Variants in SLC12A6 observed in about 807,000 individuals in gnomAD.
The protein encoded by SLC12A6 is K-Cl cotransporter 3.
In SLC12A6, 66 loss-of-function variants were observed where a neutral mutation model predicts 135.3. The observed-to-expected ratio is 0.49, with a 90% CI of 0.40 to 0.60. The LOEUF (loss-of-function observed/expected upper bound fraction) is 0.60, where lower values mean the gene tolerates loss of function less well. Among genes scored for constraint, SLC12A6 ranks in the 20% least tolerant of loss-of-function variants. The pLI is 0.00. For synonymous variants in SLC12A6, 513 were observed against 508.8 expected, an observed-to-expected ratio of 1.01 and a Z score of -0.11; for missense variants, 1,058 against 1,452.3, an observed-to-expected ratio of 0.73 and a Z score of 4.41.
chr15:34,309,775 G>T (rs1211138153), intron 2 of SLC12A6, among the ~76,000 whole-genome samples: 1 of 152,146 alleles, frequency 6.6e-6, no homozygotes, highest in Non-Finnish European at 1.5e-5. Context: ...AGGAAAACAT[G>T]CCTCACAGAG....
intron 9 of SLC12A6, among the ~76,000 whole-genome samples, chr15:34,253,047 T>G (rs1892505579): frequency 6.6e-6 from 1 of 152,208 alleles, no homozygotes; most frequent in Non-Finnish European, 1.5e-5. Context: ...AACATAAATA[T>G]TAACCTGCTG....
chr15:34,323,762 G>A (rs1236205409), intron 2 of SLC12A6, among the ~76,000 whole-genome samples: 1 of 152,036 alleles, frequency 6.6e-6, no homozygotes, highest in African/African-American at 2.4e-5. Flanking sequence ...ACTAGCCTGG[G>A]CAACATGGCG....
intron 2 of SLC12A6, among the ~76,000 whole-genome samples, chr15:34,310,005 C>CTTTTTTTTTTTTTTTTTTTT (rs879478639): frequency 6.9e-6 from 1 of 144,136 alleles, no homozygotes; most frequent in Non-Finnish European, 1.5e-5. Context: ...AAGAGATAAT[C>CTTTTTTTTTTTTTTTTTTTT]TTTTTTTTTT....
At chr15:34,336,330 G>A (rs1890191126) in intron 2 of SLC12A6, 80 bp downstream of exon 2, 1 of 1,107,370 alleles carries the variant, frequency 9.0e-7, no homozygotes, top group East Asian at 2.4e-5. Context: ...ATATGATTAT[G>A]ATCTTCCAGA....
intron 22 of SLC12A6, 131 bp downstream of exon 22, chr15:34,237,288 T>G (rs1015029339): frequency 2.3e-4 from 124 of 533,006 alleles, no homozygotes; most frequent in East Asian, 2.2e-3. Context: ...TTTTTTTTTG[T>G]TTTTTTTTTG....
chr15:34,320,296 A>T (rs74738636), intron 2 of SLC12A6, among the ~76,000 whole-genome samples: 7,227 of 152,342 alleles, frequency 0.047, 185 homozygotes, highest in Non-Finnish European at 0.062. Context: ...TATATATACA[A>T]CAGAATACGA....
chr15:34,336,648 A>C lies in SLC12A6; in HGVS notation c.33T>G (p.Ala11=). The part of the protein sequence containing the change: MHPPETTTKM[A]SVRFMVTPTK... ...TCGGTGTCACCATGAACCGAACTGA[A>C]GCCATCTTGGTGGTGGTTTCTGGAG... is the stretch of plus-strand genomic sequence containing the variant. The change falls in exon 2 of 26, where the codon GCT becomes GCG. Residue 11 remains alanine (A), a synonymous_variant. Coordinates refer to ENST00000354181, the MANE Select transcript of SLC12A6 (RefSeq NM_001365088.1). The C allele has an allele frequency of 6.2e-7, 1 of 1,613,974 alleles. No individual in the cohort carries two copies. The highest frequency in any genetic ancestry group is 8.5e-7 in the Non-Finnish European group (1 of 1,179,924).
chr15:34,297,664 G>T (rs1008592100), intron 2 of SLC12A6, among the ~76,000 whole-genome samples: 2 of 152,138 alleles, frequency 1.3e-5, no homozygotes, highest in Admixed American at 6.5e-5. Flanking sequence ...TGAACTTGAA[G>T]GAGGATTTTT....
intron 2 of SLC12A6, among the ~76,000 whole-genome samples, chr15:34,308,154 A>G (rs1015641478): frequency 6.6e-6 from 1 of 152,204 alleles, no homozygotes; most frequent in Non-Finnish European, 1.5e-5. Flanking sequence ...CAATTATTTC[A>G]CTTGCTCCAT....
chr15:34,236,013 AC>A lies in SLC12A6; in HGVS notation c.3227+1del. On this transcript the variant is annotated splice_donor_variant, in intron 24 of 25. Transcript: ENST00000354181. LOFTEE classifies it high-confidence loss of function. ...GATAAACTTGGGAGTGGGAAAACTT[AC>A]GGACGCATGTTAAGCAGGTCCTGGA... 6.2e-7 allele frequency: 1 copy of A among 1,612,160 alleles called. No homozygotes were observed. Among genetic ancestry groups the A allele is most frequent in the African/African-American group, 1.3e-5 (1 of 74,986 alleles).
At position 34,255,422 on chromosome 15, in the gene SLC12A6, G is replaced by C. The variant is rs367568921; in HGVS notation, c.746-30C>G. 5.9e-6 allele frequency: 9 copies of C among 1,536,530 alleles called. No homozygotes were observed. The African/African-American group carries it at 8.2e-5, about 14-fold the overall frequency. On this transcript the variant is annotated intron_variant, in intron 7 of 25. Transcript: ENST00000354181. ...AAGACAAAACAGAAGGTGAATAGAAGAAAGAGTGTGTATTAGCAAGAGGAA... is the reference window on the plus strand; with the variant it reads ...AAGACAAAACAGAAGGTGAATAGAACAAAGAGTGTGTATTAGCAAGAGGAA...
In SLC12A6 at chr15:34,299,247, T is replaced by C. The variant is rs141311212; in HGVS notation, c.272-23858A>G. On this transcript the variant is annotated intron_variant, in intron 2 of 25. Coordinates refer to ENST00000354181, the MANE Select transcript of SLC12A6 (RefSeq NM_001365088.1). Reference sequence around the variant, plus strand: ...ATTGTGGTTTACTTATTTGGACCCATTGGCTTATAGGGTGAACTCGAAAAA... The same window carrying C: ...ATTGTGGTTTACTTATTTGGACCCACTGGCTTATAGGGTGAACTCGAAAAA... 6.8e-4 allele frequency among the ~76,000 whole-genome samples: 103 copies of C among 152,346 alleles called. 1 individual carries two copies. Among genetic ancestry groups the C allele is most frequent in the African/African-American group, 2.3e-3 (96 of 41,578 alleles).
intron 2 of SLC12A6, among the ~76,000 whole-genome samples, chr15:34,282,716 C>T (rs1894768309): frequency 6.6e-6 from 1 of 152,246 alleles, no homozygotes; most frequent in South Asian, 2.1e-4. Flanking sequence ...CACTCACTCA[C>T]TCACTCACTC....
chr15:34,333,232 C>CTTTTTTT, intron 2 of SLC12A6, among the ~76,000 whole-genome samples: 1 of 133,486 alleles, frequency 7.5e-6, no homozygotes, highest in African/African-American at 2.8e-5. Context: ...TTTTCTTTTT[C>CTTTTTTT]TTTTTTTTTT....
intron 12 of SLC12A6, 94 bp downstream of exon 12, chr15:34,250,537 A>AC: frequency 1.2e-6 from 1 of 849,110 alleles, no homozygotes; most frequent in Non-Finnish European, 2.1e-6. Flanking sequence ...GATAGAAAGC[A>AC]GGTATCTTTG....
intron 2 of SLC12A6, among the ~76,000 whole-genome samples, chr15:34,335,981 C>A (rs535942474): frequency 6.6e-6 from 1 of 152,144 alleles, no homozygotes; most frequent in African/African-American, 2.4e-5. Context: ...TGCTAAGATA[C>A]GACCAGTAAC....
rs757882297 is a variant in SLC12A6 at position 34,336,474 on chromosome 15, C to G, written c.207G>C (p.Ser69=). 6.2e-7 allele frequency: 1 copy of G among 1,613,770 alleles called. No homozygotes were observed. Residue 69 remains serine, a synonymous_variant, in exon 2 of 26, where the codon TCG becomes TCC. Transcript: ENST00000354181. Reference sequence around the variant, plus strand: ...GTGGATCCAGTGCAACAGTTGCCAGCGAAGTGGTGGCCCCAGACATCTCAC... The same window carrying G: ...GTGGATCCAGTGCAACAGTTGCCAGGGAAGTGGTGGCCCCAGACATCTCAC... The part of the protein sequence containing the change: ...PMSEMSGATT[S]LATVALDPPS...
At chr15:34,315,417 T>C (rs1429782905) in intron 2 of SLC12A6, among the ~76,000 whole-genome samples, 3 of 152,124 alleles carry the variant, frequency 2.0e-5, no homozygotes, top group African/African-American at 7.2e-5. Context: ...ATTAGCATTT[T>C]TTGGTAATAA....
chr15:34,312,967 T>C (rs975561536), intron 2 of SLC12A6, among the ~76,000 whole-genome samples: 5 of 152,232 alleles, frequency 3.3e-5, no homozygotes, highest in African/African-American at 7.2e-5. Flanking sequence ...TCCATAAATG[T>C]TGTGTGTGTT....
Sources: allele counts gnomAD v4.1 joint callset (sites outside exome capture counted in the v4.1 genomes callset), GRCh38; gene constraint gnomAD v4.1.1; transcripts MANE v1.5; gene names NCBI Gene and HGNC (gene_info 2026-07-23, HGNC 2026-07-21).